Variants in LRIG2 observed in about 807,000 individuals in gnomAD.
The protein encoded by LRIG2 is leucine rich repeats and immunoglobulin like domains 2, also known as leucine-rich repeats and immunoglobulin-like domains protein 2.
LRIG2 carries 93 observed loss-of-function variants against 107.8 expected under a neutral mutation model. The ratio of observed to expected loss-of-function variants is 0.86; its 90% CI spans 0.73 to 1.03. LRIG2 has a LOEUF of 1.03. LRIG2 is among the 50% of genes least tolerant of loss of function. The probability of loss-of-function intolerance (pLI) is 0.00; values close to 1 mark genes in which losing one functional copy is unlikely to be tolerated. For synonymous variants in LRIG2, 471 were observed against 470.6 expected (o/e 1.00, Z -0.01); for missense variants, 1,226 against 1,296.0 (o/e 0.95, Z 0.83).
chr1:113,073,686 A>G (rs769961692), intron 1 of LRIG2, 41 bp downstream of exon 1: 1 of 1,568,142 alleles, frequency 6.4e-7, no homozygotes, highest in Non-Finnish European at 8.7e-7. Context: ...AAGGAGGGGG[A>G]GCCTTCCCTC....
Position 113,073,485 on chromosome 1 carries a change from A to C in LRIG2, c.79A>C (p.Ile27Leu). 1 of 1,613,982 alleles carries C rather than the reference A, an allele frequency of 6.2e-7. No individual in the cohort carries two copies. Among genetic ancestry groups the C allele is most frequent in the Non-Finnish European group, 8.5e-7 (1 of 1,179,974 alleles). Residue 27 changes from isoleucine to leucine, a missense_variant, in exon 1 of 18, where the codon ATT becomes CTT. Transcript: ENST00000361127. Reference sequence around the variant, plus strand: ...TAGAGTGCTTTCTCGGTTACTCTTCATTGCCCAGACCGCTCTCCTCCTGTT... The same window carrying C: ...TAGAGTGCTTTCTCGGTTACTCTTCCTTGCCCAGACCGCTCTCCTCCTGTT... ...RSRVLSRLLF[I>L]AQTALLLLPA...
chr1:113,076,312 G>A (rs938477711), intron 1 of LRIG2, among the ~76,000 whole-genome samples: 4 of 152,122 alleles, frequency 2.6e-5, no homozygotes, highest in African/African-American at 4.8e-5. Flanking sequence ...GGCCACAGCC[G>A]GGCCTACATT....
In LRIG2 at chr1:113,093,509, A is replaced by T; in HGVS notation, c.460A>T (p.Asn154Tyr). The T allele has an allele frequency of 2.5e-6, 4 of 1,612,232 alleles. No individual in the cohort carries two copies. Among genetic ancestry groups the T allele is most frequent in the Non-Finnish European group, 3.4e-6 (4 of 1,178,566 alleles). ...PALESLDLSS[N>Y]IISEIKTSSF... is the part of the protein sequence containing the mutation. ...TCTGGAGAGTTTAGACCTCAGCTCA[A>T]ATATAATATCAGAAATCAAGACATC... The change falls in exon 4 of 18, where the codon AAT (asparagine) becomes TAT (tyrosine). Residue 154 changes from asparagine (N) to tyrosine (Y), a missense_variant. By Grantham distance (143) the Asn-to-Tyr change is moderately radical (BLOSUM62 -2). This residue lies in a region of LRIG2 where 570 missense variants were observed against 550.2 expected (regional missense o/e 1.04). Transcript: ENST00000361127.
At chr1:113,081,439 C>T (rs542481533) in intron 1 of LRIG2, among the ~76,000 whole-genome samples, 212 of 151,730 alleles carry the variant, frequency 1.4e-3, no homozygotes, top group Non-Finnish European at 2.2e-3. Context: ...CAGAGTCCTG[C>T]TCTGTCGCCC....
chr1:113,096,694 A>C (rs17031006), intron 8 of LRIG2, among the ~76,000 whole-genome samples: 2,104 of 152,350 alleles, frequency 0.014, 19 homozygotes, highest in East Asian at 0.033. Context: ...CTTTGACAAT[A>C]CACCAGAGCT....
chr1:113,114,889 C>A lies in LRIG2; in HGVS notation c.2530+13C>A. 6.3e-7 allele frequency: 1 copy of A among 1,575,150 alleles called. No homozygotes were observed. On this transcript the variant is annotated intron_variant, in intron 15 of 17. Transcript: ENST00000361127. ...ATCACAAACACAGGTAAGTAGTACC[C>A]ACATGACACCTATGGCTTGTACTTC...
chr1:113,083,218 C>CTT (rs11321902), intron 1 of LRIG2, among the ~76,000 whole-genome samples: 60 of 112,336 alleles, frequency 5.3e-4, no homozygotes, highest in African/African-American at 1.6e-3. Context: ...CTACTGCACA[C>CTT]TTTTTTTTTT....
chr1:113,122,389 T>C (rs1655301904), intron 17 of LRIG2, among the ~76,000 whole-genome samples: 2 of 152,142 alleles, frequency 1.3e-5, no homozygotes, highest in South Asian at 2.1e-4. Context: ...ACCCAGCCTC[T>C]ATTGTTCTTA....
intron 1 of LRIG2, among the ~76,000 whole-genome samples, chr1:113,087,534 A>C (rs1451401517): frequency 1.3e-5 from 2 of 152,060 alleles, no homozygotes; most frequent in East Asian, 3.9e-4. Flanking sequence ...TTTTTTGTAG[A>C]GACGGGGTTT....
intron 9 of LRIG2, among the ~76,000 whole-genome samples, chr1:113,099,236 G>GTTTGTTTCTT (rs1654201857): frequency 6.2e-5 from 1 of 16,194 alleles, no homozygotes; most frequent in African/African-American, 1.6e-4. Context: ...AACTTGGCTG[G>GTTTGTTTCTT]TTTTTTTCTT....
rs778031007 is a variant in LRIG2 at position 113,107,714 on chromosome 1, A to G, written c.1434A>G (p.Ala478=). 5 of 1,613,264 alleles carry G rather than the reference A, an allele frequency of 3.1e-6. No homozygotes were observed. The South Asian group carries it at 5.5e-5, about 18-fold the overall frequency. Reference sequence around the variant, plus strand: ...GCTGTGCACACCCTGAATGGCTAGCAGGGCAAAGCATCCTGAATGTGGATC... The same window carrying G: ...GCTGTGCACACCCTGAATGGCTAGCGGGGCAAAGCATCCTGAATGTGGATC... The part of the protein sequence containing the change: ...NVSCAHPEWL[A]GQSILNVDLK... Residue 478 remains alanine (A), a synonymous_variant, in exon 12 of 18, where the codon GCA becomes GCG. Coordinates refer to ENST00000361127, the MANE Select transcript of LRIG2 (RefSeq NM_014813.3).
chr1:113,124,014 T>G lies in LRIG2; in HGVS notation c.3111T>G (p.Ala1037=). The change falls in exon 18 of 18, where the codon GCT becomes GCG. Residue 1037 remains alanine (A), a synonymous_variant. Transcript: ENST00000361127. The part of the protein sequence containing the change: ...GLAGREPDCS[A]SSMSCHRLQD... ...CAGGGAGAGAGCCAGACTGTTCTGC[T>G]TCTTCCATGTCCTGCCACAGGTTAC... is the stretch of plus-strand genomic sequence containing the variant. The G allele has an allele frequency of 6.2e-7, 1 of 1,614,174 alleles. No homozygotes were observed. The highest frequency in any genetic ancestry group is 8.5e-7 in the Non-Finnish European group (1 of 1,180,028).
intron 11 of LRIG2, among the ~76,000 whole-genome samples, chr1:113,104,078 C>T (rs1001500315): frequency 1.3e-5 from 2 of 152,192 alleles, no homozygotes; most frequent in Non-Finnish European, 2.9e-5. Context: ...TGTCCACCTC[C>T]TCCTTGTTGG....
chr1:113,112,646 G>A lies in LRIG2; in HGVS notation c.1966G>A (p.Glu656Lys), dbSNP rs1252833380. 7.4e-6 allele frequency: 12 copies of A among 1,614,048 alleles called. No individual in the cohort carries two copies. The highest frequency in any genetic ancestry group is 2.2e-5 in the South Asian group (2 of 91,090). ...ARERRMHVMP[E>K]DDVFFIANVK... is the part of the protein sequence containing the mutation. ...AGAAAGACGCATGCACGTCATGCCC[G>A]AGGATGACGTCTTCTTTATTGCCAA... is the stretch of plus-strand genomic sequence containing the variant. The change falls in exon 14 of 18, where the codon GAG (glutamate) becomes AAG (lysine). Residue 656 changes from glutamate to lysine, a missense_variant. Physicochemically the swap from Glu to Lys is moderately conservative, Grantham distance 56. Transcript: ENST00000361127.
intron 13 of LRIG2, among the ~76,000 whole-genome samples, chr1:113,111,142 C>A (rs563272711): frequency 2.6e-5 from 4 of 152,130 alleles, no homozygotes; most frequent in Non-Finnish European, 5.9e-5. Context: ...TCAAGTGATT[C>A]TCCTGTCTCC....
chr1:113,115,013 G>GT, intron 15 of LRIG2, 137 bp downstream of exon 15: 1 of 755,810 alleles, frequency 1.3e-6, no homozygotes, highest in East Asian at 2.7e-5. Context: ...GGAGGATGAG[G>GT]TGGGAGGACT....
chr1:113,096,078 A>G (rs927300060), intron 7 of LRIG2, 61 bp downstream of exon 7: 2 of 1,605,192 alleles, frequency 1.2e-6, no homozygotes, highest in East Asian at 4.5e-5. Flanking sequence ...GGAATAAATC[A>G]TTCCCATGGG....
At chr1:113,091,633 G>A (rs1285107174) in intron 2 of LRIG2, among the ~76,000 whole-genome samples, 1 of 152,206 alleles carries the variant, frequency 6.6e-6, no homozygotes, top group Non-Finnish European at 1.5e-5. Flanking sequence ...CTAAAAGTAA[G>A]ATTTACGCCT....
chr1:113,118,403 G>A (rs1655107574), intron 16 of LRIG2, among the ~76,000 whole-genome samples: 1 of 152,222 alleles, frequency 6.6e-6, no homozygotes, highest in Admixed American at 6.5e-5. Flanking sequence ...GATGCTTGTA[G>A]CAATTGGTGT....
Sources: allele counts gnomAD v4.1 joint callset (sites outside exome capture counted in the v4.1 genomes callset), GRCh38; gene constraint gnomAD v4.1.1; regional missense constraint gnomAD v4.1.1; transcripts MANE v1.5; gene names NCBI Gene and HGNC (gene_info 2026-07-23, HGNC 2026-07-21).